The following CENPM variants were observed in gnomAD, a reference collection of about 807,000 sequenced individuals.
CENPM encodes the protein centromere protein M.
Under a neutral mutation model 19.6 loss-of-function variants are expected in CENPM, and 14 were observed. The ratio of observed to expected loss-of-function variants is 0.71; its 90% CI spans 0.47 to 1.11. The LOEUF (loss-of-function observed/expected upper bound fraction) is 1.11, where lower values mean the gene tolerates loss of function less well. CENPM is among the 50% of genes most tolerant of loss of function. The pLI is 0.00. For synonymous variants in CENPM, 114 were observed against 101.5 expected, an observed-to-expected ratio of 1.12 and a Z score of -0.74; for missense variants, 239 against 228.4, an observed-to-expected ratio of 1.05 and a Z score of -0.30.
chr22:41,936,385 T>A (rs2077683804), downstream of CENPM, among the ~76,000 whole-genome samples: 1 of 152,088 alleles, frequency 6.6e-6, no homozygotes, highest in Non-Finnish European at 1.5e-5. Flanking sequence ...AAATGTCGGG[T>A]GACATGTGGG....
the CENPM span, among the ~76,000 whole-genome samples, chr22:41,931,558 G>GC: frequency 0.058 from 8,811 of 152,164 alleles, 307 homozygotes; most frequent in Non-Finnish European, 0.079. Context: ...CGATTTTTGT[G>GC]CCCCAATTCT....
intron 3 of CENPM, 64 bp downstream of exon 3, chr22:41,945,849 C>T (rs1602393790): frequency 9.1e-6 from 12 of 1,313,282 alleles, no homozygotes; most frequent in East Asian, 4.6e-5. Flanking sequence ...GTTAGGTCAC[C>T]GTCTCAGCAC....
At position 41,946,253 on chromosome 22, in the gene CENPM, G is replaced by T. The variant is rs541182438; in HGVS notation, c.137+164C>A. The T allele has an allele frequency of 1.5e-5, 10 of 671,346 alleles. No individual in the cohort carries two copies. The East Asian group carries it at 2.2e-4, about 15-fold the overall frequency. 41.6% of individuals were successfully genotyped at this position (671,346 alleles called of 1,614,324 possible). On this transcript the variant is annotated intron_variant, in intron 2 of 5. Coordinates refer to ENST00000215980, the MANE Select transcript of CENPM (RefSeq NM_024053.5). ...TGTTTAGTCACCACCTCGGCAAGGGGAGGTTGGGATATAAGACGGCATGGG... is the reference window on the plus strand; with the variant it reads ...TGTTTAGTCACCACCTCGGCAAGGGTAGGTTGGGATATAAGACGGCATGGG...
chr22:41,946,605 G>T, intron 1 of CENPM, 109 bp from the exon 2 acceptor site: 1 of 884,034 alleles, frequency 1.1e-6, no homozygotes, highest in Non-Finnish European at 1.8e-6. Context: ...CCAGCAGGCG[G>T]CTCGGAGGAC....
intron 2 of CENPM, 139 bp downstream of exon 2, chr22:41,946,278 G>A (rs2077800521): frequency 2.6e-6 from 2 of 759,188 alleles, no homozygotes; most frequent in Non-Finnish European, 4.4e-6. Flanking sequence ...GACGGCATGG[G>A]ACTAGCCAGC....
rs887156316 is a variant in CENPM at position 41,946,002 on chromosome 22, G to C, written c.141C>G (p.His47Gln). 6.2e-7 allele frequency: 1 copy of C among 1,613,434 alleles called. No homozygotes were observed. Among genetic ancestry groups the C allele is most frequent in the Admixed American group, 1.7e-5 (1 of 59,868 alleles). The change falls in exon 3 of 6, where the codon CAC (histidine) becomes CAG (glutamine). Residue 47 changes from histidine (H) to glutamine (Q), a missense_variant. Physicochemically the swap from His to Gln is conservative, Grantham distance 24. Transcript: ENST00000215980. ...AGGGCAAAGGGAGGGACTTTGCCAA[G>C]TGGCTGAAAAACAGGAAATTGCAGG... Reference protein sequence around the residue: ...KEDCASELKVHLAKSLPLPSS... With the variant: ...KEDCASELKVQLAKSLPLPSS...
downstream of CENPM, among the ~76,000 whole-genome samples, chr22:41,937,011 T>C (rs1397648441): frequency 6.6e-6 from 1 of 152,174 alleles, no homozygotes; most frequent in Non-Finnish European, 1.5e-5. Context: ...GGGTCCATCC[T>C]GAGGCCTGAG....
the CENPM span, among the ~76,000 whole-genome samples, chr22:41,928,787 G>A: frequency 2.6e-5 from 4 of 152,170 alleles, no homozygotes; most frequent in Admixed American, 2.0e-4. The surrounding 1 kb of genome is among the most constrained non-coding windows in gnomAD (Gnocchi z 4.0). Flanking sequence ...GGGTAGGAGG[G>A]AGATTCTGAG....
chr22:41,939,860 GAAAGAAAGAAAGAAAGAA>G (rs2077718252), intron 5 of CENPM, among the ~76,000 whole-genome samples: 2 of 5,386 alleles, frequency 3.7e-4, no homozygotes, highest in Non-Finnish European at 1.2e-3. Context: ...AAGAAAGAAA[GAAAGAAAGAAAGAAAGAA>G]AAAGAAAGAA....
rs2077803214 is a variant in CENPM at position 41,946,440 on chromosome 22, C to T, written c.114G>A (p.Glu38=). The part of the protein sequence containing the change: ...LQQLADSMLK[E]DCASELKVHL... Reference sequence around the variant, plus strand: ...ACACCTTCAGCTCGGAGGCGCAGTCCTCTTTGAGCATCGAGTCCGCCAGCT... The same window carrying T: ...ACACCTTCAGCTCGGAGGCGCAGTCTTCTTTGAGCATCGAGTCCGCCAGCT... Residue 38 remains glutamate, a synonymous_variant, in exon 2 of 6, where the codon GAG becomes GAA. Coordinates refer to ENST00000215980, the MANE Select transcript of CENPM (RefSeq NM_024053.5). The T allele has an allele frequency of 6.2e-7, 1 of 1,613,060 alleles. No homozygotes were observed. The highest frequency in any genetic ancestry group is 1.3e-5 in the African/African-American group (1 of 75,060).
downstream of CENPM, among the ~76,000 whole-genome samples, chr22:41,936,789 A>G (rs186231484): frequency 7.9e-5 from 12 of 152,292 alleles, no homozygotes; most frequent in Admixed American, 7.2e-4. Flanking sequence ...TTAGCTGGGC[A>G]TGGTGGCGTG....
Position 41,945,902 on chromosome 22 carries a change from C to T in CENPM, c.230+11G>A, listed in dbSNP as rs1481926943. 3.7e-6 allele frequency: 6 copies of T among 1,610,434 alleles called. No individual in the cohort carries two copies. Among genetic ancestry groups the T allele is most frequent in the Non-Finnish European group, 5.1e-6 (6 of 1,177,520 alleles). On this transcript the variant is annotated intron_variant, in intron 3 of 5. Coordinates refer to ENST00000215980, the MANE Select transcript of CENPM (RefSeq NM_024053.5). ...GCCTGAGCCCTGACTGCCCCTTCCT[C>T]TGGCTCTCACCTGTATTTGCTGTGA...
downstream of CENPM, among the ~76,000 whole-genome samples, chr22:41,937,115 TAG>T (rs1484877053): frequency 6.6e-6 from 1 of 152,142 alleles, no homozygotes; most frequent in Non-Finnish European, 1.5e-5. Flanking sequence ...ATGGGATTTC[TAG>T]AGTCCACTTC....
At chr22:41,946,781 C>G (rs2077810501) in intron 1 of CENPM, 1 of 601,914 alleles carries the variant, frequency 1.7e-6, no homozygotes, top group Admixed American at 3.0e-5. Context: ...ATTCCAGGCG[C>G]GGGAACTCGC....
chr22:41,932,707 T>G, the CENPM span, among the ~76,000 whole-genome samples: 1 of 152,160 alleles, frequency 6.6e-6, no homozygotes, highest in Non-Finnish European at 1.5e-5. The surrounding 1 kb of genome is among the most constrained non-coding windows in gnomAD (Gnocchi z 4.3). Context: ...CCCCCACCTC[T>G]TGGGGGCCAG....
intron 1 of CENPM, chr22:41,946,740 G>C (rs1352712088): frequency 1.2e-5 from 7 of 598,406 alleles, no homozygotes; most frequent in African/African-American, 1.9e-5. Flanking sequence ...GGCCTCTCCA[G>C]GAGGCCAGAC....
At chr22:41,946,577 G>A in intron 1 of CENPM, 81 bp from the exon 2 acceptor site, 1 of 1,147,592 alleles carries the variant, frequency 8.7e-7, no homozygotes, top group Non-Finnish European at 1.3e-6. Flanking sequence ...ACCCACTCCC[G>A]GGGGGATCGG....
intron 5 of CENPM, among the ~76,000 whole-genome samples, chr22:41,941,230 A>G (rs748089721): frequency 6.6e-6 from 1 of 152,208 alleles, no homozygotes; most frequent in Non-Finnish European, 1.5e-5. Flanking sequence ...CAAAGGCCTC[A>G]AGATATATGG....
chr22:41,933,429 G>A, the CENPM span, among the ~76,000 whole-genome samples: 1 of 152,152 alleles, frequency 6.6e-6, no homozygotes. Flanking sequence ...ATTGGAGGAG[G>A]AGGGCTGGGG....
Sources: allele counts gnomAD v4.1 joint callset (sites outside exome capture counted in the v4.1 genomes callset), GRCh38; gene constraint gnomAD v4.1.1; non-coding constraint Gnocchi (gnomAD v3.1); transcripts MANE v1.5; gene names NCBI Gene and HGNC (gene_info 2026-07-23, HGNC 2026-07-21).